ROBO1: variants seen among roughly 807,000 people sequenced by gnomAD.
ROBO1 encodes the protein roundabout homolog 1.
ROBO1 carries 149 observed loss-of-function variants against 195.9 expected under a neutral mutation model. The observed-to-expected ratio is 0.76, with a 90% CI of 0.67 to 0.87. The LOEUF is 0.87. ROBO1 is among the 40% of genes least tolerant of loss of function. The pLI, the probability that ROBO1 is intolerant of heterozygous loss-of-function variation, is 0.00. For synonymous variants in ROBO1, 816 were observed against 733.2 expected (o/e 1.11, Z -1.82); for missense variants, 1,933 against 2,068.3 (o/e 0.93, Z 1.27).
In ROBO1 at chr3:78,659,762, C is replaced by A. The variant is rs1707267174; in HGVS notation, c.2366G>T (p.Gly789Val). ...ACTAACTAGAATTGCAGTTCCGTTTCCATCATTCTTGGATACAGTTACACC... is the reference window on the plus strand; with the variant it reads ...ACTAACTAGAATTGCAGTTCCGTTTACATCATTCTTGGATACAGTTACACC... ...PQGVTVSKND[G>V]NGTAILVSWQ... is the part of the protein sequence containing the mutation. The change falls in exon 17 of 31, where the codon GGA becomes GTA. Residue 789 changes from glycine (G) to valine (V), a missense_variant. Gly to Val is a moderately radical substitution (Grantham distance 109, BLOSUM62 -3). Around this residue, in one of 3 missense-constraint regions of ROBO1, gnomAD observed 1,737 missense variants for 1,882.5 expected, o/e 0.92. Coordinates refer to ENST00000464233, the MANE Select transcript of ROBO1 (RefSeq NM_002941.4). 1.2e-6 allele frequency: 2 copies of A among 1,601,146 alleles called. No homozygotes were observed. Among genetic ancestry groups the A allele is most frequent in the African/African-American group, 2.7e-5 (2 of 74,668 alleles).
In ROBO1 at chr3:78,598,665, G is replaced by GAAGT. The variant is rs540772086; in HGVS notation, c.*244_*247dup. ...AGAAGTCAAAGCACTTTGCTTGCTG[G>GAAGT]AAGTAAGGTATAATGGTTTGCTCCA... On this transcript the variant is annotated 3_prime_UTR_variant, in exon 31 of 31. Coordinates refer to ENST00000464233, the MANE Select transcript of ROBO1 (RefSeq NM_002941.4). 8.3e-4 allele frequency: 281 copies of GAAGT among 337,328 alleles called. 1 individual carries two copies. The highest frequency in any genetic ancestry group is 4.4e-3 in the African/African-American group (207 of 47,268). The allele number at this position is 337,328 out of a possible 1,614,324, so 20.9% of individuals were successfully genotyped here. A position where few individuals can be genotyped will look rare whatever the true frequency, so the allele number is the denominator to read the frequency against.
chr3:79,503,402 C>T (rs1357879604), intron 2 of ROBO1, among the ~76,000 whole-genome samples: 2 of 152,174 alleles, frequency 1.3e-5, no homozygotes, highest in Non-Finnish European at 1.5e-5. Flanking sequence ...TACCACTCAC[C>T]GCTAGGGTCT....
intron 1 of ROBO1, among the ~76,000 whole-genome samples, chr3:79,640,404 CTG>C (rs1945623852): frequency 6.6e-6 from 1 of 151,976 alleles, no homozygotes; most frequent in Non-Finnish European, 1.5e-5. Context: ...CAACTTGGAA[CTG>C]TGAGTCCATT....
At chr3:79,067,339 T>C (rs1223296548) in intron 3 of ROBO1, among the ~76,000 whole-genome samples, 2 of 152,026 alleles carry the variant, frequency 1.3e-5, no homozygotes, top group African/African-American at 2.4e-5. Context: ...ACTTGTTTAT[T>C]TGGTAAATTT....
At position 79,556,016 on chromosome 3, in the gene ROBO1, T is replaced by C. The variant is rs559656331; in HGVS notation, c.88+33808A>G. Among the ~76,000 whole-genome samples, 15 of 152,286 alleles carry C rather than the reference T, an allele frequency of 9.8e-5. No individual in the cohort carries two copies. The South Asian group carries it at 3.1e-3, about 32-fold the overall frequency. ...TGTTATATAATTCTCTAAGAATTAA[T>C]ATTATTGTTTGATGAATTCATGCAA... On this transcript the variant is annotated intron_variant, in intron 2 of 30. Transcript: ENST00000464233.
rs757224082 is a variant in ROBO1 at position 79,458,424 on chromosome 3, T to A, written c.88+131400A>T. On this transcript the variant is annotated intron_variant, in intron 2 of 30. Coordinates refer to ENST00000464233, the MANE Select transcript of ROBO1 (RefSeq NM_002941.4). ...CCCAGCATGTCTTGTTCCACAACAG[T>A]GAGTATGAAGGATCTGGAAGAATGG... Among the ~76,000 whole-genome samples the A allele has an allele frequency of 1.1e-4, 17 of 152,078 alleles. 1 individual carries two copies. Among genetic ancestry groups the A allele is most frequent in the East Asian group, 7.8e-4 (4 of 5,154 alleles).
chr3:79,424,275 A>G (rs2038349988), intron 2 of ROBO1, among the ~76,000 whole-genome samples: 1 of 152,096 alleles, frequency 6.6e-6, no homozygotes, highest in South Asian at 2.1e-4. Context: ...TTTCCCTCAA[A>G]TTAACCATGC....
chr3:78,807,453 A>G (rs1050285121), intron 4 of ROBO1, among the ~76,000 whole-genome samples: 7 of 152,286 alleles, frequency 4.6e-5, no homozygotes, highest in South Asian at 2.1e-4. Context: ...AGGCAAAAGG[A>G]GTCTGTCATT....
intron 10 of ROBO1, among the ~76,000 whole-genome samples, chr3:78,683,638 T>G (rs887710812): frequency 1.3e-5 from 2 of 152,058 alleles, no homozygotes; most frequent in Non-Finnish European, 2.9e-5. Flanking sequence ...AATCTATGTT[T>G]ATTGGAATTG....
chr3:79,031,388 A>G (rs962461341), intron 3 of ROBO1, among the ~76,000 whole-genome samples: 9 of 152,238 alleles, frequency 5.9e-5, no homozygotes, highest in Non-Finnish European at 1.3e-4. Flanking sequence ...GTGATCTACA[A>G]GATAAAGGAA....
intron 4 of ROBO1, among the ~76,000 whole-genome samples, chr3:78,864,945 T>G (rs2035076356): frequency 6.6e-6 from 1 of 152,220 alleles, no homozygotes; most frequent in South Asian, 2.1e-4. Flanking sequence ...TTCTTTCACC[T>G]GATAAATTTT....
intron 2 of ROBO1, among the ~76,000 whole-genome samples, chr3:79,377,498 A>G (rs929114726): frequency 6.6e-6 from 1 of 152,216 alleles, no homozygotes; most frequent in Non-Finnish European, 1.5e-5. Flanking sequence ...CAGAAAAACC[A>G]TTTCAGAACC....
intron 4 of ROBO1, among the ~76,000 whole-genome samples, chr3:78,908,184 T>G (rs937930010): frequency 2.0e-5 from 3 of 151,974 alleles, no homozygotes; most frequent in Admixed American, 1.3e-4. Context: ...TATTTATATT[T>G]CATTGCTCTT....
chr3:79,075,502 C>T (rs2079157370), intron 3 of ROBO1, among the ~76,000 whole-genome samples: 1 of 151,820 alleles, frequency 6.6e-6, no homozygotes, highest in Non-Finnish European at 1.5e-5. Context: ...AGGAGGTTTT[C>T]TGGGGTCACA....
intron 2 of ROBO1, among the ~76,000 whole-genome samples, chr3:79,491,301 C>A (rs929694276): frequency 6.6e-6 from 1 of 150,906 alleles, no homozygotes. Flanking sequence ...TACAAACTTT[C>A]ATTTTTGGCT....
intron 21 of ROBO1, among the ~76,000 whole-genome samples, chr3:78,645,228 C>G (rs1706202425): frequency 6.6e-6 from 1 of 151,890 alleles, no homozygotes. Context: ...TTTTTTTAAA[C>G]CACTCTTTGT....
chr3:79,376,389 C>T (rs1173478635), intron 2 of ROBO1, among the ~76,000 whole-genome samples: 2 of 152,110 alleles, frequency 1.3e-5, no homozygotes. Flanking sequence ...ATATATTCAT[C>T]TCTTCTGTGT....
chr3:79,637,815 G>T, intron 1 of ROBO1, among the ~76,000 whole-genome samples: 1 of 152,030 alleles, frequency 6.6e-6, no homozygotes, highest in East Asian at 2.0e-4. Context: ...TTCTACATAA[G>T]AGTCAATAAA....
rs537056698 is a variant in ROBO1, at chr3:78,959,049, T to C, written c.173-20122A>G. ...AACTCCTGAGATCAAGCTATCCTCC[T>C]GCCTCAGCTTCCCAAAGTGGTGGGA... is the stretch of plus-strand genomic sequence containing the variant. On this transcript the variant is annotated intron_variant, in intron 3 of 30. Transcript: ENST00000464233. Among the ~76,000 whole-genome samples, 4 of 152,176 alleles carry C rather than the reference T, an allele frequency of 2.6e-5. No homozygotes were observed. In the South Asian group the frequency reaches 8.3e-4, roughly 32 times the overall value.
Sources: allele counts gnomAD v4.1 joint callset (sites outside exome capture counted in the v4.1 genomes callset), GRCh38; gene constraint gnomAD v4.1.1; regional missense constraint gnomAD v4.1.1; transcripts MANE v1.5; gene names NCBI Gene and HGNC (gene_info 2026-07-23, HGNC 2026-07-21).